Variants in HEATR5B observed in about 807,000 individuals in gnomAD.
HEATR5B encodes HEAT repeat-containing protein 5B.
HEATR5B carries 156 observed loss-of-function variants against 224.1 expected under a neutral mutation model. That is an observed-to-expected ratio of 0.70 (90% CI 0.61 to 0.80). The LOEUF (loss-of-function observed/expected upper bound fraction) is 0.80, where lower values mean the gene tolerates loss of function less well. Among genes scored for constraint, HEATR5B ranks in the 30% least tolerant of loss-of-function variants. The probability of loss-of-function intolerance (pLI) is 0.00; values close to 1 mark genes in which losing one functional copy is unlikely to be tolerated. For missense variants in HEATR5B, 2,323 were observed against 2,535.5 expected (o/e 0.92, Z 1.80); for synonymous variants, 1,027 against 893.0 (o/e 1.15, Z -2.68).
At chr2:37,019,694 C>T (rs1054659393) in intron 26 of HEATR5B, 115 bp downstream of exon 26, 8 of 644,324 alleles carry the variant, frequency 1.2e-5, no homozygotes, top group East Asian at 2.8e-5. Flanking sequence ...TGAATTCAAG[C>T]GATCCTCCCA....
chr2:36,986,906 C>T (rs188159006), intron 35 of HEATR5B, among the ~76,000 whole-genome samples: 20 of 151,314 alleles, frequency 1.3e-4, no homozygotes, highest in Admixed American at 3.3e-4. Context: ...CATGAGCCAC[C>T]GCGTGCAGCT....
chr2:37,014,897 C>T (rs963699265), intron 26 of HEATR5B, among the ~76,000 whole-genome samples: 1 of 151,592 alleles, frequency 6.6e-6, no homozygotes, highest in Admixed American at 6.6e-5. Context: ...GCAGGAGAAT[C>T]GCTAGGGAGC....
At chr2:36,985,073 T>C (rs988082734) in intron 35 of HEATR5B, among the ~76,000 whole-genome samples, 1 of 152,146 alleles carries the variant, frequency 6.6e-6, no homozygotes, top group Admixed American at 6.6e-5. Context: ...TACTGTAAAG[T>C]TGACAACAAA....
At chr2:37,064,067 G>C (rs1221495158) in intron 10 of HEATR5B, among the ~76,000 whole-genome samples, 1 of 152,062 alleles carries the variant, frequency 6.6e-6, no homozygotes, top group African/African-American at 2.4e-5. Context: ...ACCTGCCTCG[G>C]CCTCTCAAAG....
At chr2:37,037,463 C>T (rs1206872633) in intron 21 of HEATR5B, among the ~76,000 whole-genome samples, 1 of 151,604 alleles carries the variant, frequency 6.6e-6, no homozygotes, top group Admixed American at 6.6e-5. Flanking sequence ...ATATTCTTAG[C>T]AAGGAAATAA....
chr2:37,030,016 T>C (rs1572844569), intron 22 of HEATR5B, among the ~76,000 whole-genome samples: 1 of 151,932 alleles, frequency 6.6e-6, no homozygotes, highest in East Asian at 1.9e-4. Context: ...CAAAAAGCAA[T>C]GTTGTCATGA....
intron 2 of HEATR5B, among the ~76,000 whole-genome samples, chr2:37,081,993 C>T (rs1375163508): frequency 7.1e-6 from 1 of 140,850 alleles, no homozygotes; most frequent in African/African-American, 2.6e-5. Flanking sequence ...GTTTTTACTA[C>T]TCACTTTTAA....
At chr2:37,000,898 G>T in intron 32 of HEATR5B, 85 bp from the exon 33 acceptor site, 1 of 897,354 alleles carries the variant, frequency 1.1e-6, no homozygotes, top group Non-Finnish European at 1.7e-6. Flanking sequence ...TTTTGCATTT[G>T]ATTGTGGTTT....
rs572577987 is a variant in HEATR5B, at chr2:37,058,904, T to A, written c.1933A>T (p.Met645Leu). The change falls in exon 13 of 36, where the codon ATG becomes TTG. Residue 645 changes from methionine to leucine, a missense_variant. By Grantham distance (15) the Met-to-Leu change is conservative. Around this residue, in one of 12 missense-constraint regions of HEATR5B, gnomAD observed 502 missense variants for 517.8 expected, o/e 0.97. Coordinates refer to ENST00000233099, the MANE Select transcript of HEATR5B (RefSeq NM_019024.3). ...CTTACTTACTGTGACATCATAGTCA[T>A]GGCACATTCAATAGGGGTCATCAAT... ...RKLMTPIECAMTMMSHIPSVM... is the reference protein window; with the variant it reads ...RKLMTPIECALTMMSHIPSVM... 5.6e-6 allele frequency: 9 copies of A among 1,604,078 alleles called. No individual in the cohort carries two copies. Among genetic ancestry groups the A allele is most frequent in the Middle Eastern group, 1.7e-4 (1 of 6,040 alleles).
In HEATR5B at chr2:37,058,619, T is replaced by C. The variant is rs142323252; in HGVS notation, c.1950-59A>G. ...ACCAGAATAAGTATTACTTATAAAT[T>C]TTTTTAGCAATGTATCAATGTACTG... On this transcript the variant is annotated intron_variant, in intron 13 of 35. Coordinates refer to ENST00000233099, the MANE Select transcript of HEATR5B (RefSeq NM_019024.3). 613 of 1,208,940 alleles carry C rather than the reference T, an allele frequency of 5.1e-4. 1 individual carries two copies. The African/African-American group carries it at 8.7e-3, about 17-fold the overall frequency. The allele number at this position is 1,208,940 out of a possible 1,614,324, so 74.9% of individuals were successfully genotyped here. A position where few individuals can be genotyped will look rare whatever the true frequency, so the allele number is the denominator to read the frequency against.
intron 27 of HEATR5B, 122 bp from the exon 28 acceptor site, chr2:37,008,970 T>C (rs1211269918): frequency 6.4e-6 from 5 of 779,406 alleles, no homozygotes; most frequent in Non-Finnish European, 1.0e-5. Context: ...TTAGAAAGTA[T>C]ACACTTTGGC....
rs769134272 is a variant in HEATR5B, at chr2:37,040,333, T to C, written c.3042A>G (p.Leu1014=). The part of the protein sequence containing the change: ...GAIITTVGPE[L]QGNGATTSTI... ...AATTTCAGATGATTTACTTACCTTG[T>C]AGTTCAGGGCCAACAGTAGTTATTA... The change falls in exon 20 of 36, where the codon CTA becomes CTG. Residue 1014 remains leucine, a synonymous_variant. Transcript: ENST00000233099. The C allele has an allele frequency of 7.4e-6, 12 of 1,611,176 alleles. No homozygotes were observed. The South Asian group carries it at 8.9e-5, about 12-fold the overall frequency.
chr2:37,079,032 G>A (rs767453351), intron 3 of HEATR5B, 88 bp downstream of exon 3: 6 of 732,946 alleles, frequency 8.2e-6, no homozygotes, highest in South Asian at 2.0e-5. Flanking sequence ...CCACCCACCT[G>A]GGGGTTTTTA....
chr2:37,026,700 G>T (rs976910461), intron 24 of HEATR5B, among the ~76,000 whole-genome samples: 1 of 152,156 alleles, frequency 6.6e-6, no homozygotes, highest in Non-Finnish European at 1.5e-5. Context: ...AATATCTGCT[G>T]AATAATTACA....
chr2:37,046,023 A>G (rs1178348977), intron 18 of HEATR5B, among the ~76,000 whole-genome samples: 3 of 152,254 alleles, frequency 2.0e-5, no homozygotes, highest in Non-Finnish European at 1.5e-5. Flanking sequence ...ATCTGAAAGA[A>G]TAAGATTTCA....
In HEATR5B at chr2:37,065,856, G is replaced by A; in HGVS notation, c.1232C>T (p.Ala411Val). 3.7e-6 allele frequency: 6 copies of A among 1,613,714 alleles called. No homozygotes were observed. Among genetic ancestry groups the A allele is most frequent in the Non-Finnish European group, 5.1e-6 (6 of 1,179,726 alleles). The part of the protein sequence containing the change: ...GENKSGAADI[A>V]ASQHVMVCAL... ...ACAGACCATCACATGCTGGCTTGCT[G>A]CAATGTCTGCTGCGCCAGATTTGTT... is the stretch of plus-strand genomic sequence containing the variant. Residue 411 changes from alanine (A) to valine (V), a missense_variant, in exon 9 of 36, where the codon GCA becomes GTA. This residue lies in a region of HEATR5B where 502 missense variants were observed against 517.8 expected (regional missense o/e 0.97). Transcript: ENST00000233099.
chr2:37,049,586 A>T, intron 18 of HEATR5B, 67 bp downstream of exon 18: 1 of 1,349,664 alleles, frequency 7.4e-7, no homozygotes, highest in Non-Finnish European at 1.0e-6. Flanking sequence ...CATAAACTCC[A>T]GTTGATTATT....
chr2:37,068,708 C>T lies in HEATR5B; in HGVS notation c.1150G>A (p.Ala384Thr), dbSNP rs1237198546. 1 of 1,614,060 alleles carries T rather than the reference C, an allele frequency of 6.2e-7. No homozygotes were observed. Among genetic ancestry groups the T allele is most frequent in the African/African-American group, 1.3e-5 (1 of 75,016 alleles). ...ACGGCTTTCATTTGTTTTCCAATAG[C>T]TTGGCAGATTTCTTTGGCAGCTGCA... Reference protein sequence around the residue: ...QIAAAKEICQAIGKQMKAVEA... With the variant: ...QIAAAKEICQTIGKQMKAVEA... The change falls in exon 8 of 36, where the codon GCT (alanine) becomes ACT (threonine). Residue 384 changes from alanine (A) to threonine (T), a missense_variant. Physicochemically the swap from Ala to Thr is moderately conservative, Grantham distance 58. Transcript: ENST00000233099.
Position 37,027,978 on chromosome 2 carries a change from G to C in HEATR5B, c.3798C>G (p.Asp1266Glu). ...CCAAGGCAAGATCAAAGTGAGCCTG[G>C]TCTGCATTCTCACACAAATTGATGA... ...CRIINLCENA[D>E]QAHFDLALAR... Residue 1266 changes from aspartate (D) to glutamate (E), a missense_variant, in exon 24 of 36, where the codon GAC becomes GAG. By Grantham distance (45) the Asp-to-Glu change is conservative. Transcript: ENST00000233099. 2 of 1,614,120 alleles carry C rather than the reference G, an allele frequency of 1.2e-6. No homozygotes were observed. The highest frequency in any genetic ancestry group is 1.3e-5 in the African/African-American group (1 of 75,052).
Sources: allele counts gnomAD v4.1 joint callset (sites outside exome capture counted in the v4.1 genomes callset), GRCh38; gene constraint gnomAD v4.1.1; regional missense constraint gnomAD v4.1.1; transcripts MANE v1.5; gene names NCBI Gene and HGNC (gene_info 2026-07-23, HGNC 2026-07-21).